ERC2: variants seen among roughly 807,000 people sequenced by gnomAD.
ERC2 encodes the protein ERC protein 2.
A neutral mutation model predicts 114.8 loss-of-function variants in ERC2; 42 were observed. The ratio of observed to expected loss-of-function variants is 0.37; its 90% confidence interval spans 0.29 to 0.47. The LOEUF (loss-of-function observed/expected upper bound fraction) is 0.47, where lower values mean the gene tolerates loss of function less well. Ranked by LOEUF, ERC2 falls within the 20% of genes least tolerant of loss-of-function variation. ERC2 has a pLI of 0.99. For synonymous variants in ERC2, 454 were observed against 425.5 expected (o/e 1.07, Z -0.82); for missense variants, 939 against 1,150.7 (o/e 0.82, Z 2.66).
At chr3:55,700,902 A>C (rs899467449) in intron 15 of ERC2, among the ~76,000 whole-genome samples, 1 of 152,164 alleles carries the variant, frequency 6.6e-6, no homozygotes, top group Non-Finnish European at 1.5e-5. Flanking sequence ...ATGAGTGACC[A>C]AAAGAATGAA....
chr3:56,217,140 G>C (rs552781022), intron 3 of ERC2, among the ~76,000 whole-genome samples: 12 of 152,104 alleles, frequency 7.9e-5, no homozygotes, highest in African/African-American at 2.4e-5. Flanking sequence ...TTCTGGCCAG[G>C]GCAATCAGTC....
intron 7 of ERC2, among the ~76,000 whole-genome samples, chr3:56,075,495 T>G: frequency 6.6e-6 from 1 of 152,154 alleles, no homozygotes; most frequent in East Asian, 1.9e-4. Context: ...TTACAAAAAA[T>G]TCCCTTTTGC....
At chr3:55,684,995 A>G (rs1202536035) in intron 16 of ERC2, among the ~76,000 whole-genome samples, 1 of 152,228 alleles carries the variant, frequency 6.6e-6, no homozygotes, top group East Asian at 1.9e-4. Context: ...GAATCCTATG[A>G]AAATGCCAAT....
At chr3:56,313,216 A>G (rs2056699862) in intron 2 of ERC2, among the ~76,000 whole-genome samples, 1 of 150,756 alleles carries the variant, frequency 6.6e-6, no homozygotes, top group Non-Finnish European at 1.5e-5. Context: ...GCTAAAGGAT[A>G]GGGAGTTTTT....
intron 17 of ERC2, among the ~76,000 whole-genome samples, chr3:55,609,206 C>A (rs557233920): frequency 6.6e-6 from 1 of 152,154 alleles, no homozygotes; most frequent in Non-Finnish European, 1.5e-5. Flanking sequence ...GCCTCTCTTA[C>A]CCCAATTTCC....
At chr3:55,673,052 C>T (rs905857729) in intron 17 of ERC2, among the ~76,000 whole-genome samples, 2 of 152,194 alleles carry the variant, frequency 1.3e-5, no homozygotes, top group African/African-American at 4.8e-5. Context: ...GTGTCCCAAG[C>T]CTGTTATATA....
Position 55,939,094 on chromosome 3 carries a change from GT to G in ERC2, c.2403+11330del, listed in dbSNP as rs2066625243. On this transcript the variant is annotated intron_variant, in intron 13 of 17. Coordinates refer to ENST00000288221, the MANE Select transcript of ERC2 (RefSeq NM_015576.3). ...ACATTTTTCAATTTGCTTCATATCA[GT>G]TTTCTTAATGAGGTACAATTTTTTA... Among the ~76,000 whole-genome samples, 4 of 152,132 alleles carry G rather than the reference GT, an allele frequency of 2.6e-5. No homozygotes were observed. The South Asian group carries it at 8.3e-4, about 32-fold the overall frequency.
At chr3:55,801,552 A>AT (rs112056735) in intron 14 of ERC2, among the ~76,000 whole-genome samples, 15,061 of 152,194 alleles carry the variant, frequency 0.099, 1,250 homozygotes, top group African/African-American at 0.22. Context: ...TGCAGGACCA[A>AT]TTTCCTTAAA....
intron 17 of ERC2, among the ~76,000 whole-genome samples, chr3:55,659,666 A>G (rs188831952): frequency 4.4e-4 from 67 of 152,024 alleles, no homozygotes; most frequent in African/African-American, 1.6e-3. Context: ...ATTAAGTTCA[A>G]TCTCTTCAAA....
intron 3 of ERC2, among the ~76,000 whole-genome samples, chr3:56,271,123 G>A (rs1359298847): frequency 6.6e-6 from 1 of 152,238 alleles, no homozygotes; most frequent in Admixed American, 6.5e-5. Flanking sequence ...TGCCAAGGAA[G>A]ATGAAGCAAC....
chr3:56,211,587 T>G lies in ERC2; in HGVS notation c.1075-38067A>C, dbSNP rs569741240. Among the ~76,000 whole-genome samples the G allele has an allele frequency of 4.0e-5, 6 of 150,998 alleles. No individual in the cohort carries two copies. In the South Asian group the frequency reaches 1.3e-3, roughly 32 times the overall value. ...ATACCACCAGCATTCTTCACAGAAG[T>G]AGAAAAAAAAAATCCTAAAATTCAT... On this transcript the variant is annotated intron_variant, in intron 3 of 17. Transcript: ENST00000288221.
chr3:55,860,250 C>T (rs1028806969), intron 14 of ERC2, among the ~76,000 whole-genome samples: 6 of 152,106 alleles, frequency 3.9e-5, no homozygotes, highest in Middle Eastern at 6.3e-3. Flanking sequence ...TGTCAAAAAT[C>T]CTATAGTAAA....
At chr3:56,432,855 G>A (rs181762054) in intron 2 of ERC2, among the ~76,000 whole-genome samples, 106 of 152,268 alleles carry the variant, frequency 7.0e-4, no homozygotes, top group African/African-American at 2.5e-3. Flanking sequence ...GAGCCACGTG[G>A]TATCACATTC....
intron 17 of ERC2, among the ~76,000 whole-genome samples, chr3:55,565,895 G>A (rs1211257191): frequency 6.6e-6 from 1 of 152,228 alleles, no homozygotes; most frequent in African/African-American, 2.4e-5. Context: ...AGCAGGGCGA[G>A]TCAAAAGTCT....
intron 6 of ERC2, among the ~76,000 whole-genome samples, chr3:56,135,027 A>G (rs1405799659): frequency 1.3e-5 from 2 of 151,546 alleles, no homozygotes; most frequent in African/African-American, 4.9e-5. Context: ...ACTCATGCTC[A>G]TTGCAACTTC....
chr3:56,049,040 CAAATGGCCA>C (rs2075625097), intron 7 of ERC2, among the ~76,000 whole-genome samples: 1 of 152,072 alleles, frequency 6.6e-6, no homozygotes, highest in Non-Finnish European at 1.5e-5. Flanking sequence ...AAAGGAGTTC[CAAATGGCCA>C]AAGGGGGGCA....
At chr3:56,155,498 C>T (rs1467344926) in intron 4 of ERC2, among the ~76,000 whole-genome samples, 1 of 152,164 alleles carries the variant, frequency 6.6e-6, no homozygotes, top group African/African-American at 2.4e-5. Context: ...TTTGAACCAT[C>T]CACTCTCCAG....
intron 17 of ERC2, among the ~76,000 whole-genome samples, chr3:55,537,314 A>C (rs752955517): frequency 6.6e-6 from 1 of 152,234 alleles, no homozygotes; most frequent in Non-Finnish European, 1.5e-5. Context: ...ATAGAGGTGG[A>C]AGACGATGGT....
chr3:55,686,338 G>C (rs1029591009), intron 16 of ERC2, among the ~76,000 whole-genome samples: 7 of 152,166 alleles, frequency 4.6e-5, no homozygotes, highest in Non-Finnish European at 5.9e-5. Flanking sequence ...AAAGTTTTTA[G>C]TTTTTTAAAG....
Sources: gnomAD v4.1 joint callset for allele counts (sites outside exome capture counted in the v4.1 genomes callset) on GRCh38, gnomAD v4.1.1 for gene constraint, MANE v1.5 for transcripts, NCBI Gene and HGNC (gene_info 2026-07-23, HGNC 2026-07-21) for gene names.